The following NAT9 variants were observed in gnomAD, a reference collection of about 807,000 sequenced individuals.
NAT9 encodes N-acetyltransferase 9, also known as alpha/beta-tubulin-N-acetyltransferase 9.
In NAT9, 18 loss-of-function variants were observed where a neutral mutation model predicts 24.0. The observed-to-expected ratio is 0.75, with a 90% CI of 0.52 to 1.11. The LOEUF (loss-of-function observed/expected upper bound fraction) is 1.11, where lower values mean the gene tolerates loss of function less well. Ranked by LOEUF, NAT9 falls within the 50% of genes most tolerant of loss-of-function variation. NAT9 has a pLI of 0.00. For missense variants in NAT9, 254 were observed against 258.6 expected (o/e 0.98, Z 0.12); for synonymous variants, 104 against 102.3 (o/e 1.02, Z -0.10).
chr17:74,775,132 G>A (rs530169282), intron 2 of NAT9, among the ~76,000 whole-genome samples: 37 of 152,246 alleles, frequency 2.4e-4, no homozygotes, highest in African/African-American at 7.5e-4. Flanking sequence ...TGGGATTACA[G>A]GCGTGAGCCA....
intron 3 of NAT9, 113 bp from the exon 4 acceptor site, chr17:74,773,152 G>A (rs2144197173): frequency 7.8e-7 from 1 of 1,286,306 alleles, no homozygotes; most frequent in South Asian, 1.4e-5. Flanking sequence ...GAGTCTGCCA[G>A]GAGAAGAGGG....
chr17:74,772,734 C>G (rs1307119696), intron 4 of NAT9, 162 bp downstream of exon 4: 2 of 1,201,486 alleles, frequency 1.7e-6, no homozygotes, highest in Middle Eastern at 2.9e-4. Context: ...TACCACCAGG[C>G]TGAGGGGGCT....
At position 74,775,606 on chromosome 17, in the gene NAT9, C is replaced by T; in HGVS notation, c.77+16G>A. 6.2e-7 allele frequency: 1 copy of T among 1,611,936 alleles called. No individual in the cohort carries two copies. The stretch of plus-strand genomic sequence containing the variant: ...CTGGGTGCTGATACGCACCCCATGT[C>T]AAGCGGGAAAGATACCTGGGCACAT... On this transcript the variant is annotated intron_variant, in intron 2 of 6. Transcript: ENST00000357814.
In NAT9 at chr17:74,775,776, A is replaced by G. The variant is rs2035971249; in HGVS notation, c.-9-69T>C. The G allele has an allele frequency of 3.0e-6, 4 of 1,320,064 alleles. No homozygotes were observed. In the South Asian group the frequency reaches 4.8e-5, roughly 16 times the overall value. 81.8% of individuals were successfully genotyped at this position (1,320,064 alleles called of 1,614,324 possible). A position where few individuals can be genotyped will look rare whatever the true frequency, so the allele number is the denominator to read the frequency against. On this transcript the variant is annotated intron_variant, in intron 1 of 6. Transcript: ENST00000357814. Reference sequence around the variant, plus strand: ...TCCTCCAACTTTGGGTAGGCGCTCCAGCTTTCCTGCTGGGGCTAAGTTGAC... The same window carrying G: ...TCCTCCAACTTTGGGTAGGCGCTCCGGCTTTCCTGCTGGGGCTAAGTTGAC...
In NAT9 at chr17:74,772,048, G is replaced by C; in HGVS notation, c.401C>G (p.Thr134Ser). The change falls in exon 6 of 7, where the codon ACC (threonine) becomes AGC (serine). Residue 134 changes from threonine to serine, a missense_variant. Transcript: ENST00000357814. The part of the protein sequence containing the change: ...AVLAMLSYGV[T>S]TLGLTKFEAK... ...CTCAAACTTGGTCAGACCTAGCGTGGTCACTCCTCGCAGAGGAGATGAGAC... is the reference window on the plus strand; with the variant it reads ...CTCAAACTTGGTCAGACCTAGCGTGCTCACTCCTCGCAGAGGAGATGAGAC... 6.2e-7 allele frequency: 1 copy of C among 1,614,176 alleles called. No homozygotes were observed. The highest frequency in any genetic ancestry group is 8.5e-7 in the Non-Finnish European group (1 of 1,180,038).
In NAT9 at chr17:74,772,941, C is replaced by A. The variant is rs963193089; in HGVS notation, c.289G>T (p.Asp97Tyr). Residue 97 changes from aspartate (D) to tyrosine (Y), a missense_variant, in exon 4 of 7, where the codon GAT becomes TAT. Coordinates refer to ENST00000357814, the MANE Select transcript of NAT9 (RefSeq NM_015654.5). ...MVGDVNLFLT[D>Y]LEDLTLGEIE... ...TCCCCCAAGGTGAGGTCTTCTAGAT[C>A]TGTGAGGAAGAGGTTCACATCTCCC... 14 of 1,614,092 alleles carry A rather than the reference C, an allele frequency of 8.7e-6. No homozygotes were observed. Among genetic ancestry groups the A allele is most frequent in the Non-Finnish European group, 9.3e-6 (11 of 1,180,048 alleles).
chr17:74,775,485 A>T, intron 2 of NAT9, 137 bp downstream of exon 2: 3 of 701,112 alleles, frequency 4.3e-6, no homozygotes, highest in Non-Finnish European at 6.6e-6. Flanking sequence ...CACGGCACCC[A>T]GCCTTTTTTC....
Position 74,771,711 on chromosome 17 carries a change from C to T in NAT9, c.*13G>A, listed in dbSNP as rs772474005. 7 of 1,613,212 alleles carry T rather than the reference C, an allele frequency of 4.3e-6. No homozygotes were observed. The South Asian group carries it at 7.7e-5, about 18-fold the overall frequency. ...CCTGCTCACACAGAGTGGCTGCCCA[C>T]AAGGCCCAGCCATCAGCAGGGCTCT... On this transcript the variant is annotated 3_prime_UTR_variant, in exon 7 of 7. Transcript: ENST00000357814.
At position 74,773,025 on chromosome 17, in the gene NAT9, C is replaced by A; in HGVS notation, c.205G>T (p.Val69Leu). Reference protein sequence around the residue: ...QEDADKCTFIVLDAEKWQAQP... With the variant: ...QEDADKCTFILLDAEKWQAQP... ...GCCTGCCACTTCTCGGCATCCAGCACAATGAAGGTACACTCTGAGGAGGAG... is the reference window on the plus strand; with the variant it reads ...GCCTGCCACTTCTCGGCATCCAGCAAAATGAAGGTACACTCTGAGGAGGAG... The change falls in exon 4 of 7, where the codon GTG becomes TTG. Residue 69 changes from valine (V) to leucine (L), a missense_variant. Coordinates refer to ENST00000357814, the MANE Select transcript of NAT9 (RefSeq NM_015654.5). The A allele has an allele frequency of 6.2e-7, 1 of 1,613,902 alleles. No homozygotes were observed. The highest frequency in any genetic ancestry group is 8.5e-7 in the Non-Finnish European group (1 of 1,179,970).
Position 74,771,967 on chromosome 17 carries a change from A to G in NAT9, c.482T>C (p.Phe161Ser), listed in dbSNP as rs1048786320. 6.2e-7 allele frequency: 1 copy of G among 1,614,184 alleles called. No individual in the cohort carries two copies. Among genetic ancestry groups the G allele is most frequent in the Non-Finnish European group, 8.5e-7 (1 of 1,180,020 alleles). The change falls in exon 6 of 7, where the codon TTT becomes TCT. Residue 161 changes from phenylalanine (F) to serine (S), a missense_variant. By Grantham distance (155) the Phe-to-Ser change is radical. Coordinates refer to ENST00000357814, the MANE Select transcript of NAT9 (RefSeq NM_015654.5). ...PSIRMFQKLH[F>S]EQVATSSVFQ... ...GCCCCAGGACATCCTTACCTGCTCAAAGTGAAGTTTCTGGAACATCCGGAT... is the reference window on the plus strand; with the variant it reads ...GCCCCAGGACATCCTTACCTGCTCAGAGTGAAGTTTCTGGAACATCCGGAT...
intron 2 of NAT9, chr17:74,774,027 T>C (rs2035608379): frequency 4.6e-6 from 1 of 215,816 alleles, no homozygotes; most frequent in African/African-American, 2.2e-5. Context: ...CCCACGAAGT[T>C]AGGGCACCAG....
intron 2 of NAT9, 151 bp downstream of exon 2, chr17:74,775,471 G>A (rs2035908848): frequency 3.2e-6 from 2 of 622,878 alleles, no homozygotes; most frequent in African/African-American, 1.9e-5. Flanking sequence ...TTACAGGCGT[G>A]AGCCACGGCA....
intron 4 of NAT9, 147 bp downstream of exon 4, chr17:74,772,749 G>T: frequency 7.8e-7 from 1 of 1,276,448 alleles, no homozygotes; most frequent in Non-Finnish European, 1.1e-6. Context: ...GGGGCTAGGT[G>T]GGCAGGCTGC....
Position 74,770,960 on chromosome 17 carries a change from G to A in NAT9, c.*764C>T, listed in dbSNP as rs1217839471. The A allele has an allele frequency of 6.6e-6, 1 of 152,294 alleles. No homozygotes were observed. Among genetic ancestry groups the A allele is most frequent in the East Asian group, 1.9e-4 (1 of 5,186 alleles). The allele number at this position is 152,294 out of a possible 1,614,324, so 9.4% of individuals were successfully genotyped here. A position where few individuals can be genotyped will look rare whatever the true frequency, so the allele number is the denominator to read the frequency against. On this transcript the variant is annotated 3_prime_UTR_variant, in exon 7 of 7. Coordinates refer to ENST00000357814, the MANE Select transcript of NAT9 (RefSeq NM_015654.5). ...TGGAGGGTGAGGAACAGACGTGGGA[G>A]CACCAGAGGGACAGAGCTGATGGCC...
At chr17:74,775,288 G>C (rs2035877566) in intron 2 of NAT9, 1 of 208,112 alleles carries the variant, frequency 4.8e-6, no homozygotes, top group Non-Finnish European at 9.6e-6. Flanking sequence ...CCTGGGCTCA[G>C]GCAATCCTCC....
intron 4 of NAT9, chr17:74,772,675 G>A: frequency 3.4e-6 from 4 of 1,172,560 alleles, no homozygotes; most frequent in Non-Finnish European, 4.6e-6. Flanking sequence ...CAAACCAAGG[G>A]TTAAGTTCAC....
Position 74,771,997 on chromosome 17 carries a change from G to C in NAT9, c.452C>G (p.Pro151Arg). The C allele has an allele frequency of 6.2e-7, 1 of 1,614,230 alleles. No homozygotes were observed. The stretch of plus-strand genomic sequence containing the variant: ...AAGTTTCTGGAACATCCGGATGCTT[G>C]GTTCATTTCCTTGCCCAATTTTAGC... ...FEAKIGQGNE[P>R]SIRMFQKLHF... The change falls in exon 6 of 7, where the codon CCA becomes CGA. Residue 151 changes from proline (P) to arginine (R), a missense_variant. Pro to Arg is a moderately radical substitution (Grantham distance 103). Transcript: ENST00000357814.
rs1053992613 is a variant in NAT9, at chr17:74,770,992, T to G, written c.*732A>C. 2.0e-5 allele frequency: 3 copies of G among 152,426 alleles called. No individual in the cohort carries two copies. Among genetic ancestry groups the G allele is most frequent in the Non-Finnish European group, 4.4e-5 (3 of 68,230 alleles). The allele number at this position is 152,426 out of a possible 1,614,324, so 9.4% of individuals were successfully genotyped here. A position where few individuals can be genotyped will look rare whatever the true frequency, so the allele number is the denominator to read the frequency against. On this transcript the variant is annotated 3_prime_UTR_variant, in exon 7 of 7. Transcript: ENST00000357814. ...AGGGACAGAGCTGATGGCCTGACGC[T>G]CTCTTCAGGAGGGCACCCCCAAGGG...
rs147335774 is a variant in NAT9, at chr17:74,772,058, G to A, written c.395-4C>T. 5.5e-5 allele frequency: 89 copies of A among 1,614,130 alleles called. No individual in the cohort carries two copies. The East Asian group carries it at 6.9e-4, about 13-fold the overall frequency. ...GTCAGACCTAGCGTGGTCACTCCTC[G>A]CAGAGGAGATGAGACAGGGGCAAGT... is the stretch of plus-strand genomic sequence containing the variant. On this transcript the variant is annotated splice_region_variant and splice_polypyrimidine_tract_variant and intron_variant, in intron 5 of 6. Transcript: ENST00000357814.
Sources: allele counts gnomAD v4.1 joint callset (sites outside exome capture counted in the v4.1 genomes callset), GRCh38; gene constraint gnomAD v4.1.1; transcripts MANE v1.5; gene names NCBI Gene and HGNC (gene_info 2026-07-23, HGNC 2026-07-21).